Variants in PKD1L1 observed in about 807,000 individuals in gnomAD.
PKD1L1 encodes polycystin-1-like protein 1.
PKD1L1 carries 236 observed loss-of-function variants against 323.4 expected under a neutral mutation model. That is an observed-to-expected ratio of 0.73 (90% CI 0.66 to 0.81). The LOEUF (loss-of-function observed/expected upper bound fraction) is 0.81. Ranked by LOEUF, PKD1L1 falls within the 40% of genes least tolerant of loss-of-function variation. The pLI is 0.00. For missense variants in PKD1L1, 3,320 were observed against 3,508.0 expected, an observed-to-expected ratio of 0.95 and a Z score of 1.35; for synonymous variants, 1,344 against 1,335.0, an observed-to-expected ratio of 1.01 and a Z score of -0.15.
chr7:47,937,085 G>T (rs60107343), intron 3 of PKD1L1, 127 bp from the exon 4 acceptor site: 1 of 686,892 alleles, frequency 1.5e-6, no homozygotes, highest in Non-Finnish European at 2.4e-6. Context: ...CACTGTGCTG[G>T]GCACCAGAGA....
At chr7:47,900,930 T>C (rs1787072529) in intron 13 of PKD1L1, among the ~76,000 whole-genome samples, 1 of 152,056 alleles carries the variant, frequency 6.6e-6, no homozygotes, top group African/African-American at 2.4e-5. Flanking sequence ...ATACCACATA[T>C]AAAAAGCCTT....
Position 47,885,784 on chromosome 7 carries a change from G to A in PKD1L1, c.3107C>T (p.Ser1036Leu), listed in dbSNP as rs764844059. The change falls in exon 18 of 57, where the codon TCA becomes TTA. Residue 1036 changes from serine (S) to leucine (L), a missense_variant. By Grantham distance (145) the Ser-to-Leu change is moderately radical. Coordinates refer to ENST00000289672, the MANE Select transcript of PKD1L1 (RefSeq NM_138295.5). Reference sequence around the variant, plus strand: ...CTGTGGCCCTGGCTCTAGGTCTAGTGAACCTTCCTCTGGAGCCTCCCCCAG... The same window carrying A: ...CTGTGGCCCTGGCTCTAGGTCTAGTAAACCTTCCTCTGGAGCCTCCCCCAG... ...AVLGEAPEEG[S>L]LDLEPGPQSK... 1.2e-6 allele frequency: 2 copies of A among 1,614,116 alleles called. No homozygotes were observed. Among genetic ancestry groups the A allele is most frequent in the Non-Finnish European group, 1.7e-6 (2 of 1,180,048 alleles).
At chr7:47,809,845 G>A (rs568736899) in intron 50 of PKD1L1, 47 of 316,568 alleles carry the variant, frequency 1.5e-4, no homozygotes, top group Middle Eastern at 1.7e-3. Context: ...GGAAAGCACG[G>A]AGTATGGGCA....
intron 15 of PKD1L1, 148 bp downstream of exon 15, chr7:47,893,730 T>C: frequency 1.3e-6 from 1 of 785,318 alleles, no homozygotes; most frequent in Admixed American, 2.9e-5. Flanking sequence ...TTCCCTTATA[T>C]TTTGTTCCTA....
chr7:47,883,759 C>T (rs1316303646), intron 19 of PKD1L1, among the ~76,000 whole-genome samples: 1 of 152,218 alleles, frequency 6.6e-6, no homozygotes, highest in Non-Finnish European at 1.5e-5. Flanking sequence ...ATAAATCATT[C>T]ATTCATCATC....
chr7:47,810,612 G>T (rs996248235), intron 50 of PKD1L1, among the ~76,000 whole-genome samples: 26 of 152,316 alleles, frequency 1.7e-4, no homozygotes, highest in African/African-American at 6.3e-4. Flanking sequence ...AGTCCCTAGA[G>T]TCTAAAACCT....
intron 56 of PKD1L1, among the ~76,000 whole-genome samples, chr7:47,791,312 G>T (rs1786942524): frequency 6.6e-6 from 1 of 151,902 alleles, no homozygotes; most frequent in African/African-American, 2.4e-5. Context: ...TCCCAAATAT[G>T]TCATCCATAT....
intron 15 of PKD1L1, among the ~76,000 whole-genome samples, chr7:47,890,978 C>T (rs1328051889): frequency 3.3e-5 from 5 of 152,142 alleles, no homozygotes; most frequent in East Asian, 1.9e-4. Flanking sequence ...CCACCCCTCC[C>T]GACTCACTGA....
chr7:47,884,687 C>A (rs1486994308), intron 18 of PKD1L1, 30 bp from the exon 19 acceptor site: 9 of 1,579,300 alleles, frequency 5.7e-6, no homozygotes, highest in Non-Finnish European at 7.0e-6. Context: ...CATAATGTTT[C>A]CTTTAAAATC....
chr7:47,843,607 T>C (rs1032388774), intron 33 of PKD1L1, among the ~76,000 whole-genome samples: 1 of 152,200 alleles, frequency 6.6e-6, no homozygotes, highest in African/African-American at 2.4e-5. Flanking sequence ...GCATTGGCAA[T>C]GTTTTGGAGA....
chr7:47,943,556 T>C (rs540295947), intron 1 of PKD1L1, 45 bp from the exon 2 acceptor site: 50 of 1,460,682 alleles, frequency 3.4e-5, no homozygotes, highest in Middle Eastern at 3.5e-4. Flanking sequence ...TTAAGTACAA[T>C]CGTTTAATCA....
At chr7:47,792,088 T>G (rs1468582481) in intron 56 of PKD1L1, among the ~76,000 whole-genome samples, 1 of 152,216 alleles carries the variant, frequency 6.6e-6, no homozygotes, top group Non-Finnish European at 1.5e-5. Context: ...TCCCAGGAAC[T>G]CTGTGGCATT....
At chr7:47,878,520 T>C (rs988225736) in intron 21 of PKD1L1, among the ~76,000 whole-genome samples, 2 of 152,258 alleles carry the variant, frequency 1.3e-5, no homozygotes, top group African/African-American at 4.8e-5. Context: ...TGCTAGACAC[T>C]GTTCCTGTAT....
chr7:47,821,027 G>T, intron 46 of PKD1L1, 49 bp downstream of exon 46: 1 of 1,147,710 alleles, frequency 8.7e-7, no homozygotes, highest in Non-Finnish European at 1.3e-6. Flanking sequence ...CACAGGCTAT[G>T]GAATAGTGCA....
At position 47,792,732 on chromosome 7, in the gene PKD1L1, G is replaced by A. The variant is rs369543250; in HGVS notation, c.8421C>T (p.Ser2807=). 20 of 1,613,752 alleles carry A rather than the reference G, an allele frequency of 1.2e-5. No homozygotes were observed. The highest frequency in any genetic ancestry group is 2.7e-5 in the African/African-American group (2 of 74,872). ...DELLMKINGL[S]DSLQLPLLEK... ...CCAGAAGGGGGAGTTGTAGGCTGTC[G>A]GACAAACCATTAATCTTCATCAGAA... The change falls in exon 56 of 57, where the codon TCC becomes TCT. Residue 2807 remains serine, a synonymous_variant. Coordinates refer to ENST00000289672, the MANE Select transcript of PKD1L1 (RefSeq NM_138295.5).
At chr7:47,885,263 G>C (rs1272474524) in intron 18 of PKD1L1, among the ~76,000 whole-genome samples, 2 of 152,192 alleles carry the variant, frequency 1.3e-5, no homozygotes, top group African/African-American at 4.8e-5. Context: ...GTGACAGAGA[G>C]ACAGATGCCA....
intron 41 of PKD1L1, 76 bp from the exon 42 acceptor site, chr7:47,831,428 A>G (rs1346068583): frequency 2.0e-6 from 3 of 1,518,588 alleles, no homozygotes; most frequent in Non-Finnish European, 2.7e-6. Flanking sequence ...GTGGTGGTGA[A>G]TCTTAGGTGT....
intron 45 of PKD1L1, among the ~76,000 whole-genome samples, chr7:47,822,923 T>C (rs1482475885): frequency 6.6e-6 from 1 of 152,072 alleles, no homozygotes; most frequent in Non-Finnish European, 1.5e-5. Context: ...TCTTGCAAAC[T>C]TGCTAAATTC....
At chr7:47,927,183 T>C (rs556011914) in intron 7 of PKD1L1, among the ~76,000 whole-genome samples, 28 of 149,706 alleles carry the variant, frequency 1.9e-4, no homozygotes, top group African/African-American at 6.4e-4. Flanking sequence ...AAAGTATACT[T>C]AATAAAAGTT....
Sources: allele counts gnomAD v4.1 joint callset (sites outside exome capture counted in the v4.1 genomes callset), GRCh38; gene constraint gnomAD v4.1.1; transcripts MANE v1.5; gene names NCBI Gene and HGNC (gene_info 2026-07-23, HGNC 2026-07-21).